SLC7A1: variants seen among roughly 807,000 people sequenced by gnomAD.
The protein encoded by SLC7A1 is solute carrier family 7 member 1.
In SLC7A1, 10 loss-of-function variants were observed where a neutral mutation model predicts 53.9. That is an observed-to-expected ratio of 0.19 (90% CI 0.11 to 0.31). The LOEUF (loss-of-function observed/expected upper bound fraction) is 0.31, where lower values mean the gene tolerates loss of function less well. SLC7A1 is among the 10% of genes least tolerant of loss of function. The pLI, the probability that SLC7A1 is intolerant of heterozygous loss-of-function variation, is 1.00. For synonymous variants in SLC7A1, 342 were observed against 338.7 expected (o/e 1.01, Z -0.11); for missense variants, 525 against 827.2 (o/e 0.63, Z 4.48).
intron 11 of SLC7A1, chr13:29,516,868 G>A: frequency 2.8e-6 from 1 of 360,556 alleles, no homozygotes; most frequent in Non-Finnish European, 4.9e-6. Context: ...AATATCCAGG[G>A]ACTGGCGAGG....
chr13:29,571,533 C>CG (rs34719566), intron 1 of SLC7A1, among the ~76,000 whole-genome samples: 3 of 152,072 alleles, frequency 2.0e-5, no homozygotes, highest in Admixed American at 6.5e-5. Context: ...AGACATCTGC[C>CG]GGGGGGTCCT....
chr13:29,514,513 C>T lies in SLC7A1; in HGVS notation c.1857G>A (p.Arg619=). The T allele has an allele frequency of 6.2e-7, 1 of 1,611,200 alleles. No homozygotes were observed. The highest frequency in any genetic ancestry group is 8.5e-7 in the Non-Finnish European group (1 of 1,179,856). Reference sequence around the variant, plus strand: ...ACTGGTCCAAGTTGCCGTCAGGAGTCCTTGCTTGGTCGGCATCCAGGGACG... The same window carrying T: ...ACTGGTCCAAGTTGCCGTCAGGAGTTCTTGCTTGGTCGGCATCCAGGGACG... ...EEASLDADQA[R]TPDGNLDQCK is the part of the protein sequence containing the mutation. The change falls in exon 13 of 13, where the codon AGG becomes AGA. Residue 619 remains arginine (R), a synonymous_variant. Coordinates refer to ENST00000380752, the MANE Select transcript of SLC7A1 (RefSeq NM_003045.5).
rs139379923 is a variant in SLC7A1, at chr13:29,557,269, T to C, written c.-114-3409A>G. On this transcript the variant is annotated intron_variant, in intron 1 of 12. Transcript: ENST00000380752. ...TACGTGGGGACTATAAAAGTGTGAT[T>C]GTGACACCATGTGGCTATATTATAA... 1.8e-4 allele frequency among the ~76,000 whole-genome samples: 27 copies of C among 152,312 alleles called. No homozygotes were observed. In the East Asian group the frequency reaches 5.0e-3, roughly 28 times the overall value.
chr13:29,590,405 C>T (rs1191453206), intron 1 of SLC7A1, among the ~76,000 whole-genome samples: 2 of 152,134 alleles, frequency 1.3e-5, no homozygotes, highest in African/African-American at 4.8e-5. Flanking sequence ...CATACACATA[C>T]ACATAAACAT....
chr13:29,549,231 G>T (rs780038651), intron 2 of SLC7A1, among the ~76,000 whole-genome samples: 1 of 152,128 alleles, frequency 6.6e-6, no homozygotes, highest in African/African-American at 2.4e-5. Flanking sequence ...CCAATTGCCC[G>T]CATGCTCACC....
intron 1 of SLC7A1, among the ~76,000 whole-genome samples, chr13:29,569,572 C>A (rs1032991153): frequency 1.6e-4 from 24 of 152,186 alleles, no homozygotes; most frequent in Non-Finnish European, 3.4e-4. Context: ...GATAGCCCTC[C>A]TCCTTCTAAA....
At chr13:29,571,322 C>T (rs936198843) in intron 1 of SLC7A1, among the ~76,000 whole-genome samples, 1 of 152,178 alleles carries the variant, frequency 6.6e-6, no homozygotes, top group South Asian at 2.1e-4. Context: ...AAAACTATTA[C>T]AAACATAAAC....
In SLC7A1 at chr13:29,518,053, T is replaced by C. The variant is rs544284326; in HGVS notation, c.1293-263A>G. On this transcript the variant is annotated intron_variant, in intron 9 of 12. Coordinates refer to ENST00000380752, the MANE Select transcript of SLC7A1 (RefSeq NM_003045.5). ...CCATGAGCAGCCCAGAGGAATACCC[T>C]GAGAGGATCTCTCTTGCTCTGAGAA... Among the ~76,000 whole-genome samples the C allele has an allele frequency of 1.3e-4, 20 of 152,336 alleles. No individual in the cohort carries two copies. The East Asian group carries it at 3.1e-3, about 24-fold the overall frequency.
At chr13:29,523,237 G>A in intron 7 of SLC7A1, 29 bp downstream of exon 7, 1 of 1,589,082 alleles carries the variant, frequency 6.3e-7, no homozygotes, top group South Asian at 1.1e-5. Flanking sequence ...TCCACCCCTA[G>A]GAGCAGCCAC....
intron 1 of SLC7A1, among the ~76,000 whole-genome samples, chr13:29,584,537 A>C (rs914828699): frequency 2.9e-4 from 44 of 152,342 alleles, no homozygotes; most frequent in African/African-American, 9.6e-4. Flanking sequence ...TGAGAAGCAT[A>C]GTAAATAAAA....
rs751754723 is a variant in SLC7A1, at chr13:29,516,226, G to A, written c.1698C>T (p.Leu566=). The change falls in exon 12 of 13, where the codon CTC becomes CTT. Residue 566 remains leucine (L), a synonymous_variant. Coordinates refer to ENST00000380752, the MANE Select transcript of SLC7A1 (RefSeq NM_003045.5). ...CGTTCACGAAGATGCTCAGGATGGG[G>A]AGCACTGGCAGGAAGGGAACCTGAA... ...LSFKVPFLPV[L]PILSIFVNVY... 2 of 1,613,186 alleles carry A rather than the reference G, an allele frequency of 1.2e-6. No homozygotes were observed. Among genetic ancestry groups the A allele is most frequent in the South Asian group, 1.1e-5 (1 of 90,748 alleles).
intron 2 of SLC7A1, among the ~76,000 whole-genome samples, chr13:29,549,345 G>A (rs748301476): frequency 2.6e-5 from 4 of 152,130 alleles, no homozygotes; most frequent in Admixed American, 6.5e-5. Flanking sequence ...CCTTCCCACC[G>A]CATGAGAGTG....
Position 29,514,544 on chromosome 13 carries a change from T to C in SLC7A1, c.1826A>G (p.Glu609Gly), listed in dbSNP as rs761334432. 6 of 1,611,060 alleles carry C rather than the reference T, an allele frequency of 3.7e-6. No individual in the cohort carries two copies. The highest frequency in any genetic ancestry group is 5.1e-6 in the Non-Finnish European group (6 of 1,179,796). The change falls in exon 13 of 13, where the codon GAG becomes GGG. Residue 609 changes from glutamate to glycine, a missense_variant. Physicochemically the swap from Glu to Gly is moderately conservative, Grantham distance 98. Coordinates refer to ENST00000380752, the MANE Select transcript of SLC7A1 (RefSeq NM_003045.5). ...TTGGTCGGCATCCAGGGACGCCTCC[T>C]CGCTGTGCCACAGGCCATAGCCAAA... Reference protein sequence around the residue: ...IYFGYGLWHSEEASLDADQAR... With the variant: ...IYFGYGLWHSGEASLDADQAR...
intron 12 of SLC7A1, among the ~76,000 whole-genome samples, chr13:29,515,434 A>AG (rs1369347071): frequency 6.6e-6 from 1 of 152,210 alleles, no homozygotes; most frequent in Admixed American, 6.5e-5. Flanking sequence ...TATTTCCTGG[A>AG]GGAAAAGCAC....
At chr13:29,532,289 G>A (rs1383202982) in intron 4 of SLC7A1, among the ~76,000 whole-genome samples, 1 of 152,182 alleles carries the variant, frequency 6.6e-6, no homozygotes, top group African/African-American at 2.4e-5. Flanking sequence ...CAGTCTCTGG[G>A]ATTTTTCAAA....
At chr13:29,515,383 T>C (rs1339781592) in intron 12 of SLC7A1, among the ~76,000 whole-genome samples, 1 of 152,192 alleles carries the variant, frequency 6.6e-6, no homozygotes, top group African/African-American at 2.4e-5. Context: ...TTGCAGGGAA[T>C]GAGGACCCAC....
chr13:29,535,052 G>A (rs532499785), intron 3 of SLC7A1, among the ~76,000 whole-genome samples: 11 of 152,310 alleles, frequency 7.2e-5, no homozygotes, highest in African/African-American at 2.6e-4. Context: ...GGGGCCCCTG[G>A]CTACGTGGAG....
At chr13:29,529,991 C>T (rs1037057694) in intron 5 of SLC7A1, among the ~76,000 whole-genome samples, 9 of 152,144 alleles carry the variant, frequency 5.9e-5, no homozygotes, top group Admixed American at 1.3e-4. Context: ...GGGCCACTGT[C>T]GCCAGGGCTT....
chr13:29,534,875 C>A (rs1374555018), intron 3 of SLC7A1, among the ~76,000 whole-genome samples: 1 of 152,146 alleles, frequency 6.6e-6, no homozygotes, highest in African/African-American at 2.4e-5. Context: ...GTTTTTGTTT[C>A]TTTTAAGTTG....
Sources: gnomAD v4.1 joint callset for allele counts (sites outside exome capture counted in the v4.1 genomes callset) on GRCh38, gnomAD v4.1.1 for gene constraint, MANE v1.5 for transcripts, NCBI Gene and HGNC (gene_info 2026-07-23, HGNC 2026-07-21) for gene names.